SFMBT2: variants seen among roughly 807,000 people sequenced by gnomAD.
SFMBT2 encodes scm-like with four MBT domains protein 2.
SFMBT2 carries 38 observed loss-of-function variants against 110.1 expected under a neutral mutation model. That is an observed-to-expected ratio of 0.35 (90% CI 0.27 to 0.45). SFMBT2 has a LOEUF of 0.45. SFMBT2 is among the 20% of genes least tolerant of loss of function. The pLI, the probability that SFMBT2 is intolerant of heterozygous loss-of-function variation, is 1.00. For missense variants in SFMBT2, 1,011 were observed against 1,094.9 expected (o/e 0.92, Z 1.08); for synonymous variants, 425 against 425.4 (o/e 1.00, Z 0.01).
intron 4 of SFMBT2, among the ~76,000 whole-genome samples, chr10:7,308,873 G>A (rs575653850): frequency 1.4e-4 from 21 of 152,174 alleles, no homozygotes; most frequent in Middle Eastern, 3.4e-3. Context: ...AACTAATGCC[G>A]GATCAATAAA....
chr10:7,239,869 A>G (rs998131619), intron 9 of SFMBT2, among the ~76,000 whole-genome samples: 4 of 151,702 alleles, frequency 2.6e-5, no homozygotes, highest in Non-Finnish European at 5.9e-5. Context: ...TAGATTTGGT[A>G]TCTTAAGTCT....
chr10:7,317,419 G>A (rs1242190367), intron 4 of SFMBT2, among the ~76,000 whole-genome samples: 1 of 152,132 alleles, frequency 6.6e-6, no homozygotes, highest in Non-Finnish European at 1.5e-5. Context: ...AAAGCGGGCA[G>A]ATCACCTGAG....
chr10:7,317,581 C>T (rs370879937), intron 4 of SFMBT2, among the ~76,000 whole-genome samples: 55 of 134,040 alleles, frequency 4.1e-4, no homozygotes, highest in East Asian at 1.3e-3. Flanking sequence ...GCGGAGGTTG[C>T]GGTGAGCGAA....
At chr10:7,264,223 TAAAG>T (rs1468915296) in intron 7 of SFMBT2, 2 of 244,072 alleles carry the variant, frequency 8.2e-6, no homozygotes, top group African/African-American at 4.6e-5. Flanking sequence ...GCAAGATACT[TAAAG>T]AAACCATTTC....
At position 7,205,924 on chromosome 10, in the gene SFMBT2, C is replaced by T; in HGVS notation, c.1335G>A (p.Leu445=). The T allele has an allele frequency of 6.2e-7, 1 of 1,613,778 alleles. No individual in the cohort carries two copies. Among genetic ancestry groups the T allele is most frequent in the African/African-American group, 1.3e-5 (1 of 75,016 alleles). ...GRLMWLHLEG[L]QTPVPEVIVD... ...CAATGACCTCTGGAACAGGAGTCTG[C>T]AGCCCTGCATGGGAAGAAGTTGAAA... The change falls in exon 12 of 21, where the codon CTG becomes CTA. Residue 445 remains leucine (L), a synonymous_variant. Transcript: ENST00000397167.
intron 4 of SFMBT2, among the ~76,000 whole-genome samples, chr10:7,338,674 TGTATAAATGACTCAC>T (rs1401475827): frequency 2.6e-5 from 4 of 152,144 alleles, no homozygotes; most frequent in Non-Finnish European, 5.9e-5. Flanking sequence ...AGAAAACCCA[TGTATAAATGACTCAC>T]GTATAAATGA....
intron 14 of SFMBT2, chr10:7,197,983 C>G: frequency 1.0e-6 from 1 of 985,298 alleles, no homozygotes; most frequent in Non-Finnish European, 1.2e-6. Context: ...GGCGCTGTGT[C>G]CTAATAGCAG....
intron 11 of SFMBT2, among the ~76,000 whole-genome samples, chr10:7,216,470 G>A (rs1178083538): frequency 2.0e-5 from 3 of 152,144 alleles, no homozygotes; most frequent in Admixed American, 1.3e-4. Flanking sequence ...ATGATTGTGA[G>A]GCCTATCCAG....
At chr10:7,379,676 TA>T (rs74961754) in intron 2 of SFMBT2, among the ~76,000 whole-genome samples, 40,909 of 152,106 alleles carry the variant, frequency 0.27, 5,719 homozygotes, top group South Asian at 0.43. Context: ...TGAAAAATGT[TA>T]AGATCATTTA....
At chr10:7,352,476 C>T (rs1314909301) in intron 4 of SFMBT2, among the ~76,000 whole-genome samples, 2 of 152,176 alleles carry the variant, frequency 1.3e-5, no homozygotes, top group African/African-American at 4.8e-5. Flanking sequence ...GCATGCACCA[C>T]CACACCTGGT....
intron 11 of SFMBT2, chr10:7,214,859 C>A: frequency 1.4e-6 from 1 of 690,168 alleles, no homozygotes; most frequent in Non-Finnish European, 1.8e-6. Flanking sequence ...TAACAGGGCT[C>A]CCCAGTTCAA....
intron 4 of SFMBT2, among the ~76,000 whole-genome samples, chr10:7,325,295 C>T (rs1305265078): frequency 1.3e-5 from 2 of 152,152 alleles, no homozygotes; most frequent in Non-Finnish European, 2.9e-5. Context: ...AACACAGCCA[C>T]ACTGCGGGGG....
intron 15 of SFMBT2, among the ~76,000 whole-genome samples, chr10:7,192,774 G>A (rs1475987343): frequency 6.6e-6 from 1 of 152,192 alleles, no homozygotes; most frequent in Non-Finnish European, 1.5e-5. Flanking sequence ...GGGGTCGGAG[G>A]TCACATCACT....
At chr10:7,323,647 A>AT (rs1159745298) in intron 4 of SFMBT2, among the ~76,000 whole-genome samples, 6 of 152,062 alleles carry the variant, frequency 3.9e-5, no homozygotes, top group Non-Finnish European at 8.8e-5. Context: ...TGCTGTGCAG[A>AT]TTTTTTTAAT....
chr10:7,337,328 G>A (rs1843746401), intron 4 of SFMBT2, among the ~76,000 whole-genome samples: 1 of 152,150 alleles, frequency 6.6e-6, no homozygotes, highest in Admixed American at 6.5e-5. Flanking sequence ...TCTATTCCAA[G>A]GTTCCACCTT....
chr10:7,200,506 C>G, intron 13 of SFMBT2, 22 bp from the exon 14 acceptor site: 3 of 1,580,026 alleles, frequency 1.9e-6, no homozygotes, highest in Non-Finnish European at 1.7e-6. Flanking sequence ...GAAAATAAAA[C>G]TATCAGGGAC....
chr10:7,328,569 T>C lies in SFMBT2; in HGVS notation c.436+39080A>G, dbSNP rs1322401615. On this transcript the variant is annotated intron_variant, in intron 4 of 20. Coordinates refer to ENST00000397167, the MANE Select transcript of SFMBT2 (RefSeq NM_001387889.1). The stretch of plus-strand genomic sequence containing the variant: ...ATCCCATGTCCTCTTCTAAACGTTT[T>C]ACAGCTTTATGTTTTACATCTAGAT... Among the ~76,000 whole-genome samples, 5 of 152,256 alleles carry C rather than the reference T, an allele frequency of 3.3e-5. No homozygotes were observed. The East Asian group carries it at 9.6e-4, about 29-fold the overall frequency.
intron 1 of SFMBT2, among the ~76,000 whole-genome samples, chr10:7,398,213 G>A (rs932832487): frequency 4.6e-5 from 7 of 152,328 alleles, no homozygotes; most frequent in African/African-American, 1.4e-4. Flanking sequence ...AACATTCAGT[G>A]TCTTCTAATT....
At chr10:7,308,572 A>C (rs1842760177) in intron 4 of SFMBT2, among the ~76,000 whole-genome samples, 1 of 152,162 alleles carries the variant, frequency 6.6e-6, no homozygotes, top group Non-Finnish European at 1.5e-5. Context: ...GGGACATAAA[A>C]CTTCCAAGAA....
Sources: allele counts gnomAD v4.1 joint callset (sites outside exome capture counted in the v4.1 genomes callset), GRCh38; gene constraint gnomAD v4.1.1; transcripts MANE v1.5; gene names NCBI Gene and HGNC (gene_info 2026-07-23, HGNC 2026-07-21).